NME7: variants seen among roughly 807,000 people sequenced by gnomAD.
NME7 encodes the protein nucleoside diphosphate kinase 7.
Under a neutral mutation model 49.1 loss-of-function variants are expected in NME7, and 41 were observed. The observed-to-expected ratio is 0.83, with a 90% CI of 0.65 to 1.08. The LOEUF (loss-of-function observed/expected upper bound fraction) is 1.08. Among genes scored for constraint, NME7 ranks in the 50% least tolerant of loss-of-function variants. The probability of loss-of-function intolerance (pLI) is 0.00; values close to 1 mark genes in which losing one functional copy is unlikely to be tolerated. For missense variants in NME7, 423 were observed against 463.4 expected, an observed-to-expected ratio of 0.91 and a Z score of 0.80; for synonymous variants, 139 against 150.6, an observed-to-expected ratio of 0.92 and a Z score of 0.56.
At chr1:169,237,278 T>G (rs1345170566) in intron 8 of NME7, among the ~76,000 whole-genome samples, 1 of 152,118 alleles carries the variant, frequency 6.6e-6, no homozygotes, top group Non-Finnish European at 1.5e-5. Flanking sequence ...GACAGAAAAC[T>G]CATCACAATT....
intron 6 of NME7, among the ~76,000 whole-genome samples, chr1:169,289,155 C>A (rs549056599): frequency 3.1e-4 from 47 of 152,234 alleles, no homozygotes; most frequent in African/African-American, 1.1e-3. Flanking sequence ...TAATTATTCT[C>A]AGCCCTCACC....
chr1:169,303,455 C>CTTTTTTTTTTTTTTTTTTTTTTTTTTTTT (rs969800387), intron 4 of NME7: 2 of 113,098 alleles, frequency 1.8e-5, no homozygotes, highest in Admixed American at 1.0e-4. Flanking sequence ...CTATCTTCTT[C>CTTTTTTTTTTTTTTTTTTTTTTTTTTTTT]TTTTTTTTTT....
intron 1 of NME7, among the ~76,000 whole-genome samples, chr1:169,338,572 A>C (rs938608984): frequency 6.6e-5 from 10 of 152,170 alleles, no homozygotes; most frequent in African/African-American, 2.4e-4. Context: ...GGGCCCCATA[A>C]TCTTGAAAAT....
intron 3 of NME7, among the ~76,000 whole-genome samples, chr1:169,311,416 C>T (rs1453431758): frequency 1.2e-5 from 1 of 83,638 alleles, no homozygotes; most frequent in African/African-American, 4.9e-5. Flanking sequence ...GACTCCATCT[C>T]AAAAAAAAAA....
chr1:169,136,181 C>A (rs1658424404), intron 11 of NME7, among the ~76,000 whole-genome samples: 2 of 152,118 alleles, frequency 1.3e-5, no homozygotes, highest in South Asian at 2.1e-4. Context: ...GAGTATGGAA[C>A]AATCCTGCAG....
At chr1:169,176,804 CTT>C (rs1465258097) in intron 10 of NME7, among the ~76,000 whole-genome samples, 8 of 152,126 alleles carry the variant, frequency 5.3e-5, no homozygotes, top group Admixed American at 5.2e-4. Flanking sequence ...AGAAAAATCT[CTT>C]AACTCACTTT....
At chr1:169,179,847 G>C (rs754248078) in intron 10 of NME7, among the ~76,000 whole-genome samples, 48 of 152,162 alleles carry the variant, frequency 3.2e-4, no homozygotes, top group Admixed American at 5.9e-4. Flanking sequence ...AGAAGATCAG[G>C]AAGAATAGCT....
chr1:169,303,157 C>A lies in NME7; in HGVS notation c.428G>T (p.Arg143Ile). 6.4e-7 allele frequency: 1 copy of A among 1,570,580 alleles called. No homozygotes were observed. The highest frequency in any genetic ancestry group is 1.2e-5 in the South Asian group (1 of 86,456). The change falls in exon 5 of 12, where the codon AGA (arginine) becomes ATA (isoleucine). Residue 143 changes from arginine (R) to isoleucine (I), a missense_variant. Transcript: ENST00000367811. ...ATTAAGGACCTACTTGAAAAAGGGT[C>A]TTGACTGGTGATCTACATGAAAATC... ...ALDFHVDHQS[R>I]PFFNELIQFI...
chr1:169,151,841 C>T (rs772307809), intron 11 of NME7, among the ~76,000 whole-genome samples: 1 of 152,272 alleles, frequency 6.6e-6, no homozygotes, highest in East Asian at 1.9e-4. Context: ...CCTCCTCCCT[C>T]GGGTTCATTG....
At chr1:169,246,873 C>T (rs960821578) in intron 7 of NME7, 14 of 365,378 alleles carry the variant, frequency 3.8e-5, no homozygotes, top group African/African-American at 3.0e-4. Context: ...GCCACTGCAT[C>T]TGGTCCAGTA....
rs2101862108 is a variant in NME7 at position 169,260,093 on chromosome 1, T to C, written c.755-22406A>G. Reference sequence around the variant, plus strand: ...ATGCTAAGTGTTAAAAGAGACATAGTAGATGTAAGTTGGTGATAGGTTAGA... The same window carrying C: ...ATGCTAAGTGTTAAAAGAGACATAGCAGATGTAAGTTGGTGATAGGTTAGA... On this transcript the variant is annotated intron_variant, in intron 7 of 11. Transcript: ENST00000367811. Among the ~76,000 whole-genome samples, 2 of 133,576 alleles carry C rather than the reference T, an allele frequency of 1.5e-5. 1 individual carries two copies. The highest frequency in any genetic ancestry group is 4.0e-4 in the East Asian group (2 of 5,038). The allele number at this position is 133,576 out of a possible 152,430, so 87.6% of individuals were successfully genotyped here.
chr1:169,330,005 G>C (rs1652196212), intron 1 of NME7, among the ~76,000 whole-genome samples: 3 of 152,084 alleles, frequency 2.0e-5, no homozygotes, highest in Non-Finnish European at 4.4e-5. Context: ...CTTTTCAATG[G>C]GAACTTTACA....
intron 1 of NME7, among the ~76,000 whole-genome samples, chr1:169,330,295 G>A (rs1308361086): frequency 6.6e-6 from 1 of 152,104 alleles, no homozygotes; most frequent in Non-Finnish European, 1.5e-5. Flanking sequence ...GAAAAACACA[G>A]GATATTATAA....
chr1:169,337,214 G>A (rs949027444), intron 1 of NME7, among the ~76,000 whole-genome samples: 18 of 152,340 alleles, frequency 1.2e-4, no homozygotes, highest in Non-Finnish European at 1.8e-4. Context: ...GTCCCGAGCC[G>A]TGCCCCGTGG....
intron 10 of NME7, among the ~76,000 whole-genome samples, chr1:169,178,817 C>CT (rs1557975584): frequency 1.0e-5 from 1 of 98,672 alleles, no homozygotes; most frequent in Non-Finnish European, 2.1e-5. Flanking sequence ...GCTGAAACCT[C>CT]TTCTTTTTTT....
intron 10 of NME7, among the ~76,000 whole-genome samples, chr1:169,212,500 A>C (rs967063959): frequency 9.6e-5 from 14 of 146,314 alleles, no homozygotes; most frequent in Admixed American, 8.1e-4. Flanking sequence ...TGAGTCACTC[A>C]AATGAGTACT....
intron 11 of NME7, among the ~76,000 whole-genome samples, chr1:169,153,695 C>T (rs9887857): frequency 0.4 from 59,899 of 151,364 alleles, 12,190 homozygotes; most frequent in East Asian, 0.74. Flanking sequence ...CCATCTAAAC[C>T]CTCTACTTTT....
At chr1:169,149,162 G>A (rs1017999049) in intron 11 of NME7, among the ~76,000 whole-genome samples, 1 of 152,130 alleles carries the variant, frequency 6.6e-6, no homozygotes, top group Non-Finnish European at 1.5e-5. Context: ...CTAACATGGT[G>A]AAATCCTGTC....
intron 10 of NME7, among the ~76,000 whole-genome samples, chr1:169,170,127 A>C (rs1191597214): frequency 6.6e-6 from 1 of 152,202 alleles, no homozygotes; most frequent in Non-Finnish European, 1.5e-5. Flanking sequence ...AATTATTGAG[A>C]TCTGTATGTT....
Sources: allele counts gnomAD v4.1 joint callset (sites outside exome capture counted in the v4.1 genomes callset), GRCh38; gene constraint gnomAD v4.1.1; transcripts MANE v1.5; gene names NCBI Gene and HGNC (gene_info 2026-07-23, HGNC 2026-07-21).